CNNM2: variants seen among roughly 807,000 people sequenced by gnomAD.
CNNM2 encodes the protein metal transporter CNNM2.
Under a neutral mutation model 66.9 loss-of-function variants are expected in CNNM2, and 12 were observed. The ratio of observed to expected loss-of-function variants is 0.18; its 90% CI spans 0.11 to 0.29. The LOEUF is 0.29. CNNM2 is among the 10% of genes least tolerant of loss of function. The pLI is 1.00. For missense variants in CNNM2, 705 were observed against 1,167.7 expected, an observed-to-expected ratio of 0.60 and a Z score of 5.77; for synonymous variants, 557 against 501.8, an observed-to-expected ratio of 1.11 and a Z score of -1.47.
intron 6 of CNNM2, among the ~76,000 whole-genome samples, chr10:103,075,823 G>A (rs1304926912): frequency 6.6e-6 from 1 of 152,174 alleles, no homozygotes; most frequent in South Asian, 2.1e-4. Flanking sequence ...ACAGTGCAGG[G>A]TTTTTGCTGT....
intron 1 of CNNM2, among the ~76,000 whole-genome samples, chr10:102,951,717 C>T (rs1846841783): frequency 6.6e-6 from 1 of 150,718 alleles, no homozygotes; most frequent in Non-Finnish European, 1.5e-5. Flanking sequence ...TAGCTCACCG[C>T]AATATTGACC....
At chr10:103,020,820 T>C (rs1273591214) in intron 1 of CNNM2, among the ~76,000 whole-genome samples, 1 of 151,884 alleles carries the variant, frequency 6.6e-6, no homozygotes, top group African/African-American at 2.4e-5. Flanking sequence ...GAACAGTGGA[T>C]TGAAAACCAG....
rs2065823164 is a variant in CNNM2 at position 103,087,008 on chromosome 10, G to C, written c.*9828G>C. The C allele has an allele frequency of 6.6e-6, 1 of 152,112 alleles. No homozygotes were observed. The allele number at this position is 152,112 out of a possible 1,614,324, so 9.4% of individuals were successfully genotyped here. On this transcript the variant is annotated 3_prime_UTR_variant, in exon 8 of 8. Transcript: ENST00000369878. ...ACCTGTCAGTACATGCTGTAAGGTTGGGAGTTCAGTCTAGCAACCAAGAAG... is the reference window on the plus strand; with the variant it reads ...ACCTGTCAGTACATGCTGTAAGGTTCGGAGTTCAGTCTAGCAACCAAGAAG...
chr10:103,046,978 ATCT>A (rs758897976), intron 1 of CNNM2, among the ~76,000 whole-genome samples: 2 of 152,202 alleles, frequency 1.3e-5, no homozygotes, highest in Non-Finnish European at 2.9e-5. Flanking sequence ...TTGGTCCGAA[ATCT>A]TCTTTACAGA....
At chr10:103,066,549 A>G (rs2134356562) in intron 4 of CNNM2, among the ~76,000 whole-genome samples, 1 of 152,072 alleles carries the variant, frequency 6.6e-6, no homozygotes, top group Non-Finnish European at 1.5e-5. Flanking sequence ...TGCCTTCCAG[A>G]TGTGCCCTCA....
intron 5 of CNNM2, among the ~76,000 whole-genome samples, chr10:103,069,422 G>T (rs1341563883): frequency 6.6e-6 from 1 of 152,148 alleles, no homozygotes; most frequent in Non-Finnish European, 1.5e-5. Flanking sequence ...TGTGAATTCC[G>T]GTTGCTCTGC....
At chr10:103,033,365 A>AT (rs1191174195) in intron 1 of CNNM2, among the ~76,000 whole-genome samples, 1 of 151,564 alleles carries the variant, frequency 6.6e-6, no homozygotes, top group Non-Finnish European at 1.5e-5. Flanking sequence ...ATTTTATTGT[A>AT]TTTTTTAGTA....
At chr10:102,981,844 C>T (rs1227397895) in intron 1 of CNNM2, among the ~76,000 whole-genome samples, 1 of 150,942 alleles carries the variant, frequency 6.6e-6, no homozygotes, top group Non-Finnish European at 1.5e-5. Context: ...CTGCTGATCT[C>T]GAGGGTTGGC....
At position 103,006,364 on chromosome 10, in the gene CNNM2, GC is replaced by G. The variant is rs567450040; in HGVS notation, c.1622-43340del. ...TGGGATTATAGGCACCTGCTGCCAC[GC>G]CCAGCTAATTTTTGTATTATTGGTA... On this transcript the variant is annotated intron_variant, in intron 1 of 7. Transcript: ENST00000369878. Among the ~76,000 whole-genome samples, 156 of 151,748 alleles carry G rather than the reference GC, an allele frequency of 1.0e-3. No individual in the cohort carries two copies. Among genetic ancestry groups the G allele is most frequent in the Middle Eastern group, 3.4e-3 (1 of 294 alleles).
In CNNM2 at chr10:103,085,752, CTTT is replaced by C. The variant is rs2065799794; in HGVS notation, c.*8576_*8578del. 6.6e-6 allele frequency: 1 copy of C among 152,084 alleles called. No individual in the cohort carries two copies. Among genetic ancestry groups the C allele is most frequent in the Non-Finnish European group, 1.5e-5 (1 of 68,018 alleles). 9.4% of individuals were successfully genotyped at this position (152,084 alleles called of 1,614,324 possible). A position where few individuals can be genotyped will look rare whatever the true frequency, so the allele number is the denominator to read the frequency against. On this transcript the variant is annotated 3_prime_UTR_variant, in exon 8 of 8. Coordinates refer to ENST00000369878, the MANE Select transcript of CNNM2 (RefSeq NM_017649.5). ...AAATGTTTGTGTTCAATGGGGAGTA[CTTT>C]TTTGTGTTAAAGCTCTACAGAGAAA...
intron 1 of CNNM2, among the ~76,000 whole-genome samples, chr10:103,032,394 C>T (rs184252946): frequency 3.3e-5 from 5 of 151,756 alleles, no homozygotes; most frequent in East Asian, 3.9e-4. Context: ...GAGGTTGCAG[C>T]GAGCCGAGAT....
At chr10:103,011,943 G>T (rs531327764) in intron 1 of CNNM2, among the ~76,000 whole-genome samples, 1 of 151,704 alleles carries the variant, frequency 6.6e-6, no homozygotes, top group Non-Finnish European at 1.5e-5. Flanking sequence ...TGCCCACCTC[G>T]GCCTCCCAAA....
rs1366563473 is a variant in CNNM2, at chr10:102,918,672, A to C, written c.192A>C (p.Ala64=). Residue 64 remains alanine, a synonymous_variant, in exon 1 of 8, where the codon GCA becomes GCC. Coordinates refer to ENST00000369878, the MANE Select transcript of CNNM2 (RefSeq NM_017649.5). This position sits in a 1 kb window ranked among gnomAD's most constrained non-coding sequence, Gnocchi z 4.1. ...LSCCCGAGGC[A]AVGENEETVI... ...GCTGCTGCGGTGCGGGCGGCTGCGCAGCGGTGGGCGAGAATGAGGAGACGG... is the reference window on the plus strand; with the variant it reads ...GCTGCTGCGGTGCGGGCGGCTGCGCCGCGGTGGGCGAGAATGAGGAGACGG... 6.4e-7 allele frequency: 1 copy of C among 1,551,772 alleles called. No homozygotes were observed. Among genetic ancestry groups the C allele is most frequent in the East Asian group, 2.4e-5 (1 of 41,024 alleles).
chr10:103,064,639 G>T (rs886730295), intron 4 of CNNM2, among the ~76,000 whole-genome samples: 1 of 152,190 alleles, frequency 6.6e-6, no homozygotes. Flanking sequence ...AGGAGTTCAA[G>T]ACCAGCCTGG....
intron 1 of CNNM2, 113 bp downstream of exon 1, chr10:102,920,214 C>T (rs1035062511): frequency 6.2e-7 from 1 of 1,603,292 alleles, no homozygotes; most frequent in Non-Finnish European, 8.5e-7. Context: ...CGGGATTTCT[C>T]CTTCTCCCTC....
intron 1 of CNNM2, among the ~76,000 whole-genome samples, chr10:102,973,755 C>T (rs1447192246): frequency 6.6e-6 from 1 of 152,120 alleles, no homozygotes; most frequent in Admixed American, 6.5e-5. Context: ...ACCTCTTCAA[C>T]CTTTTATTCT....
At chr10:102,943,547 T>G (rs1372303870) in intron 1 of CNNM2, among the ~76,000 whole-genome samples, 1 of 152,228 alleles carries the variant, frequency 6.6e-6, no homozygotes, top group Non-Finnish European at 1.5e-5. Context: ...CTTCTGTACT[T>G]TCTAAATTGA....
chr10:103,088,102 C>T lies in CNNM2; in HGVS notation c.*10922C>T, dbSNP rs773034894. Reference sequence around the variant, plus strand: ...ACTGATGTCACCAAATCTAAACCCACTTGAAGACCAATAGCTATTACAGTT... The same window carrying T: ...ACTGATGTCACCAAATCTAAACCCATTTGAAGACCAATAGCTATTACAGTT... On this transcript the variant is annotated 3_prime_UTR_variant, in exon 8 of 8. Transcript: ENST00000369878. 3 of 152,186 alleles carry T rather than the reference C, an allele frequency of 2.0e-5. No individual in the cohort carries two copies. Among genetic ancestry groups the T allele is most frequent in the Non-Finnish European group, 4.4e-5 (3 of 68,042 alleles). The allele number at this position is 152,186 out of a possible 1,614,324, so 9.4% of individuals were successfully genotyped here. A position where few individuals can be genotyped will look rare whatever the true frequency, so the allele number is the denominator to read the frequency against.
Position 102,919,533 on chromosome 10 carries a change from T to G in CNNM2, c.1053T>G (p.Gly351=), listed in dbSNP as rs112549758. ...TGGCCGTGGTAGTCTCCACCATCGG[T>G]ATCGTCATCTTCGGAGAGATCGTGC... ...GLVAVVVSTI[G]IVIFGEIVPQ... The change falls in exon 1 of 8, where the codon GGT becomes GGG. Residue 351 remains glycine (G), a synonymous_variant. Transcript: ENST00000369878. The G allele has an allele frequency of 4.3e-5, 70 of 1,613,298 alleles. 1 individual carries two copies. The African/African-American group carries it at 6.1e-4, about 14-fold the overall frequency.
Sources: gnomAD v4.1 joint callset for allele counts (sites outside exome capture counted in the v4.1 genomes callset) on GRCh38, gnomAD v4.1.1 for gene constraint, Gnocchi (gnomAD v3.1) non-coding constraint, MANE v1.5 for transcripts, NCBI Gene and HGNC (gene_info 2026-07-23, HGNC 2026-07-21) for gene names.